PREX1: variants seen among roughly 807,000 people sequenced by gnomAD.
The protein encoded by PREX1 is phosphatidylinositol-3,4,5-trisphosphate dependent Rac exchange factor 1.
A neutral mutation model predicts 198.3 loss-of-function variants in PREX1; 41 were observed. The observed-to-expected ratio is 0.21, with a 90% confidence interval of 0.16 to 0.27. The LOEUF is 0.27. Among genes scored for constraint, PREX1 ranks in the 10% least tolerant of loss-of-function variants. The probability of loss-of-function intolerance (pLI) is 1.00; values close to 1 mark genes in which losing one functional copy is unlikely to be tolerated. For missense variants in PREX1, 1,620 were observed against 2,200.7 expected (o/e 0.74, Z 5.28); for synonymous variants, 843 against 887.2 (o/e 0.95, Z 0.89).
rs567521639 is a variant in PREX1 at position 48,761,866 on chromosome 20, G to A, written c.220-13986C>T. On this transcript the variant is annotated intron_variant, in intron 1 of 39. Coordinates refer to ENST00000371941, the MANE Select transcript of PREX1 (RefSeq NM_020820.4). Reference sequence around the variant, plus strand: ...AACTTGGGCCTAAGTTTGAATATCAGGTTTCCCATTAAAATCCAAATTCCA... The same window carrying A: ...AACTTGGGCCTAAGTTTGAATATCAAGTTTCCCATTAAAATCCAAATTCCA... 7.9e-5 allele frequency among the ~76,000 whole-genome samples: 12 copies of A among 152,294 alleles called. No homozygotes were observed. The South Asian group carries it at 8.3e-4, about 11-fold the overall frequency.
In PREX1 at chr20:48,684,934, G is replaced by C. The variant is rs2089775473; in HGVS notation, c.1335-3599C>G. On this transcript the variant is annotated intron_variant, in intron 10 of 39. Transcript: ENST00000371941. This position sits in a 1 kb window ranked among gnomAD's most constrained non-coding sequence, Gnocchi z 4.2. ...TGTTCCCCACACCCTCTCATGGCTG[G>C]CTCTTGCTTGTCTTTCAGATCGTGG... 6.6e-6 allele frequency among the ~76,000 whole-genome samples: 1 copy of C among 152,212 alleles called. No individual in the cohort carries two copies. The highest frequency in any genetic ancestry group is 2.1e-4 in the South Asian group (1 of 4,834).
Position 48,627,602 on chromosome 20 carries a change from T to C in PREX1, c.4883A>G (p.Glu1628Gly). ...DIMRKQGPRV[E>G]ILAKNLRVKD... ...GACTCGCAGGTTTTTGGCCAGAATC[T>C]CCACCCTTGGGCCCTGGAAGAAGGA... Residue 1628 changes from glutamate (E) to glycine (G), a missense_variant, in exon 39 of 40, where the codon GAG (glutamate) becomes GGG (glycine). Glu to Gly is a moderately conservative substitution (Grantham distance 98, BLOSUM62 -2). Coordinates refer to ENST00000371941, the MANE Select transcript of PREX1 (RefSeq NM_020820.4). The C allele has an allele frequency of 6.2e-7, 1 of 1,605,802 alleles. No individual in the cohort carries two copies. Among genetic ancestry groups the C allele is most frequent in the Non-Finnish European group, 8.5e-7 (1 of 1,178,708 alleles).
At chr20:48,763,020 T>G (rs867425202) in intron 1 of PREX1, among the ~76,000 whole-genome samples, 12 of 152,368 alleles carry the variant, frequency 7.9e-5, no homozygotes, top group Middle Eastern at 6.8e-3. Context: ...AGTTTCTTTC[T>G]GAAGTGATGA....
At position 48,679,702 on chromosome 20, in the gene PREX1, G is replaced by A. The variant is rs760779791; in HGVS notation, c.1488C>T (p.Tyr496=). 1.5e-5 allele frequency: 24 copies of A among 1,613,774 alleles called. No homozygotes were observed. The highest frequency in any genetic ancestry group is 6.7e-5 in the Admixed American group (4 of 60,000). ...KNEQVMYRFR[Y]DDGTYKARSE... ...TTCGGGCCTTGTAGGTGCCATCGTC[G>A]TAGCGGAAGCGATACATCACCTGCT... Residue 496 remains tyrosine (Y), a synonymous_variant, in exon 12 of 40, where the codon TAC becomes TAT. Coordinates refer to ENST00000371941, the MANE Select transcript of PREX1 (RefSeq NM_020820.4).
the PREX1 span, among the ~76,000 whole-genome samples, chr20:48,882,985 G>A: frequency 1.0e-4 from 15 of 144,930 alleles, no homozygotes; most frequent in East Asian, 2.0e-3. Flanking sequence ...AGGCTGAAGC[G>A]CAGTGATGCA....
Position 48,691,044 on chromosome 20 carries a change from G to A in PREX1, c.1089C>T (p.Asn363=). The A allele has an allele frequency of 6.2e-7, 1 of 1,614,238 alleles. No individual in the cohort carries two copies. The highest frequency in any genetic ancestry group is 8.5e-7 in the Non-Finnish European group (1 of 1,180,050). Residue 363 remains asparagine, a synonymous_variant, in exon 9 of 40, where the codon AAC becomes AAT. Coordinates refer to ENST00000371941, the MANE Select transcript of PREX1 (RefSeq NM_020820.4). The surrounding 1 kb of genome is among the most constrained non-coding windows in gnomAD (Gnocchi z 5.0). The part of the protein sequence containing the change: ...YTVTNGWKIH[N]TAKNKWFVCM... ...AGACAAACCACTTATTCTTGGCCGT[G>A]TTGTGGATCTTCCAGCCGTTGGTGA...
chr20:48,755,465 T>C (rs573047161), intron 1 of PREX1, among the ~76,000 whole-genome samples: 33 of 152,340 alleles, frequency 2.2e-4, no homozygotes, highest in Middle Eastern at 3.4e-3. Context: ...CAGTACAGCA[T>C]ACATGGCATA....
At chr20:48,632,131 A>C in intron 35 of PREX1, 146 bp downstream of exon 35, 1 of 749,692 alleles carries the variant, frequency 1.3e-6, no homozygotes, top group Non-Finnish European at 2.3e-6. Flanking sequence ...CACGCAGGCA[A>C]GAGTGCTGTC....
At chr20:48,678,067 A>C (rs1366578435) in intron 13 of PREX1, among the ~76,000 whole-genome samples, 1 of 151,872 alleles carries the variant, frequency 6.6e-6, no homozygotes, top group Non-Finnish European at 1.5e-5. Context: ...TAATTCCAGC[A>C]CTTTGGGAGG....
At chr20:48,791,024 G>A (rs2090336491) in intron 1 of PREX1, among the ~76,000 whole-genome samples, 2 of 152,132 alleles carry the variant, frequency 1.3e-5, no homozygotes, top group African/African-American at 4.8e-5. Flanking sequence ...TTTATTCCCA[G>A]GAATATGTGA....
In PREX1 at chr20:48,745,154, G is replaced by C. The variant is rs1355656023; in HGVS notation, c.292-7C>G. The C allele has an allele frequency of 2.5e-6, 4 of 1,612,526 alleles. No homozygotes were observed. In the East Asian group the frequency reaches 8.9e-5, roughly 36 times the overall value. ...CGATGTTCGAGAACAGGACCTGTGA[G>C]GAAAAGAGAGGCCAGAGGACAGCGT... On this transcript the variant is annotated splice_region_variant and splice_polypyrimidine_tract_variant and intron_variant, in intron 2 of 39. Coordinates refer to ENST00000371941, the MANE Select transcript of PREX1 (RefSeq NM_020820.4).
intron 1 of PREX1, among the ~76,000 whole-genome samples, chr20:48,808,291 G>A (rs929534435): frequency 3.9e-5 from 6 of 152,124 alleles, no homozygotes; most frequent in Non-Finnish European, 7.4e-5. Flanking sequence ...CAGGCACTCC[G>A]GGAGCACTTT....
chr20:48,676,807 T>C (rs565554645), intron 13 of PREX1, among the ~76,000 whole-genome samples: 4 of 152,336 alleles, frequency 2.6e-5, no homozygotes, highest in African/African-American at 9.6e-5. Context: ...TTTTTCCTTT[T>C]TGTTTTGTGG....
At chr20:48,881,426 A>C in the PREX1 span, among the ~76,000 whole-genome samples, 1 of 151,766 alleles carries the variant, frequency 6.6e-6, no homozygotes, top group Admixed American at 6.6e-5. Context: ...CTTTGTATCT[A>C]CTGTCCTTAT....
the PREX1 span, among the ~76,000 whole-genome samples, chr20:48,872,422 G>C: frequency 2.6e-5 from 4 of 152,114 alleles, no homozygotes; most frequent in Non-Finnish European, 5.9e-5. Context: ...AGACAGGCTT[G>C]AGATCAACTA....
At chr20:48,810,416 T>A (rs1390051466) in intron 1 of PREX1, among the ~76,000 whole-genome samples, 1 of 148,198 alleles carries the variant, frequency 6.7e-6, no homozygotes, top group Non-Finnish European at 1.5e-5. Context: ...GACCCTTATC[T>A]CTAAAAAAAA....
the PREX1 span, among the ~76,000 whole-genome samples, chr20:48,842,625 G>A: frequency 2.0e-5 from 3 of 151,022 alleles, no homozygotes; most frequent in South Asian, 4.2e-4. Flanking sequence ...TCTAGTAGCC[G>A]TGTCTCCATC....
At chr20:48,688,173 A>G (rs1449586961) in intron 10 of PREX1, among the ~76,000 whole-genome samples, 1 of 152,098 alleles carries the variant, frequency 6.6e-6, no homozygotes, top group Non-Finnish European at 1.5e-5. Context: ...ACCTGTGTTC[A>G]ATACCTCTCT....
chr20:48,874,333 C>G, the PREX1 span, among the ~76,000 whole-genome samples: 2 of 151,542 alleles, frequency 1.3e-5, no homozygotes, highest in Admixed American at 6.6e-5. Context: ...GTTATCAGCC[C>G]CCTACATTTA....
Sources: allele counts gnomAD v4.1 joint callset (sites outside exome capture counted in the v4.1 genomes callset), GRCh38; gene constraint gnomAD v4.1.1; non-coding constraint Gnocchi (gnomAD v3.1); transcripts MANE v1.5; gene names NCBI Gene and HGNC (gene_info 2026-07-23, HGNC 2026-07-21).